Variants in RASGEF1A observed in about 807,000 individuals in gnomAD.
The protein encoded by RASGEF1A is ras-GEF domain-containing family member 1A.
A neutral mutation model predicts 56.4 loss-of-function variants in RASGEF1A; 18 were observed. The observed-to-expected ratio is 0.32, with a 90% confidence interval of 0.22 to 0.47. The LOEUF (loss-of-function observed/expected upper bound fraction) is 0.47, where lower values mean the gene tolerates loss of function less well. RASGEF1A is among the 20% of genes least tolerant of loss of function. RASGEF1A has a pLI of 1.00. For missense variants in RASGEF1A, 422 were observed against 627.1 expected, an observed-to-expected ratio of 0.67 and a Z score of 3.49; for synonymous variants, 245 against 242.6, an observed-to-expected ratio of 1.01 and a Z score of -0.09.
chr10:43,249,326 A>C (rs1840600986), intron 1 of RASGEF1A, among the ~76,000 whole-genome samples: 1 of 152,172 alleles, frequency 6.6e-6, no homozygotes, highest in Non-Finnish European at 1.5e-5. Context: ...CTCCCTGGTA[A>C]GCCCTCATCC....
At chr10:43,225,257 T>TG (rs371870454) in intron 1 of RASGEF1A, among the ~76,000 whole-genome samples, 27,987 of 39,130 alleles carry the variant, frequency 0.72, 9,859 homozygotes, top group East Asian at 0.8. Flanking sequence ...TGGGGGTCTG[T>TG]GGGGGGGGGG....
intron 1 of RASGEF1A, among the ~76,000 whole-genome samples, chr10:43,221,454 C>G (rs1588938992): frequency 6.6e-6 from 1 of 152,162 alleles, no homozygotes; most frequent in East Asian, 1.9e-4. Context: ...GAACAGAGGC[C>G]CAAAGGGCCT....
Position 43,197,044 on chromosome 10 carries a change from T to G in RASGEF1A, c.1280A>C (p.Glu427Ala). The G allele has an allele frequency of 6.2e-7, 1 of 1,613,546 alleles. No individual in the cohort carries two copies. Among genetic ancestry groups the G allele is most frequent in the Non-Finnish European group, 8.5e-7 (1 of 1,179,470 alleles). ...IHEFMTWTQVECPFEKDKKIQ... is the reference protein window; with the variant it reads ...IHEFMTWTQVACPFEKDKKIQ... Reference sequence around the variant, plus strand: ...CTTCTTGTCCTTCTCGAAAGGACACTCTACCTGTGTCCATGTCATGAACTC... The same window carrying G: ...CTTCTTGTCCTTCTCGAAAGGACACGCTACCTGTGTCCATGTCATGAACTC... The change falls in exon 11 of 13, where the codon GAG becomes GCG. Residue 427 changes from glutamate (E) to alanine (A), a missense_variant. This residue lies in a region of RASGEF1A where 149 missense variants were observed against 287.2 expected (regional missense o/e 0.52). Coordinates refer to ENST00000395810, the MANE Select transcript of RASGEF1A (RefSeq NM_145313.4).
At chr10:43,240,773 G>A (rs1048881366) in intron 1 of RASGEF1A, among the ~76,000 whole-genome samples, 3 of 152,026 alleles carry the variant, frequency 2.0e-5, no homozygotes, top group Non-Finnish European at 4.4e-5. Flanking sequence ...AAAGAGGAGA[G>A]TGAGAAATAA....
intron 1 of RASGEF1A, among the ~76,000 whole-genome samples, chr10:43,252,461 C>T (rs1716084828): frequency 6.6e-6 from 1 of 152,022 alleles, no homozygotes. Context: ...CGGGGCTCGG[C>T]ATCCAGCAGC....
chr10:43,266,506 A>C (rs1836626688), intron 1 of RASGEF1A, among the ~76,000 whole-genome samples: 2 of 150,726 alleles, frequency 1.3e-5, no homozygotes. Flanking sequence ...ACCTGCCCGC[A>C]GTGCCCACGC....
At chr10:43,234,326 G>A (rs1385561312) in intron 1 of RASGEF1A, among the ~76,000 whole-genome samples, 1 of 152,172 alleles carries the variant, frequency 6.6e-6, no homozygotes, top group African/African-American at 2.4e-5. Flanking sequence ...GTGGAGGAAG[G>A]GACCTGAGCC....
chr10:43,259,788 T>C (rs546641625), intron 1 of RASGEF1A, among the ~76,000 whole-genome samples: 126 of 151,682 alleles, frequency 8.3e-4, no homozygotes, highest in African/African-American at 2.8e-3. Flanking sequence ...GAGGTGGAGG[T>C]GCTCCCCACT....
intron 1 of RASGEF1A, among the ~76,000 whole-genome samples, chr10:43,238,205 T>C (rs180941968): frequency 1.3e-5 from 2 of 151,998 alleles, no homozygotes; most frequent in East Asian, 3.9e-4. Context: ...AAAGGGGTCT[T>C]CAGGGGAGTT....
intron 3 of RASGEF1A, among the ~76,000 whole-genome samples, chr10:43,202,460 C>T (rs1275430720): frequency 6.6e-6 from 1 of 152,144 alleles, no homozygotes; most frequent in Non-Finnish European, 1.5e-5. Flanking sequence ...TGAAACGACT[C>T]CGACCCTCTC....
At position 43,199,669 on chromosome 10, in the gene RASGEF1A, C is replaced by T. The variant is rs1368804412; in HGVS notation, c.849+7G>A. ...GCCACCCCACCATGTCTGCCATGGGCACTTACCCGGCACACCTCAGTGGCC... is the reference window on the plus strand; with the variant it reads ...GCCACCCCACCATGTCTGCCATGGGTACTTACCCGGCACACCTCAGTGGCC... On this transcript the variant is annotated splice_region_variant and intron_variant, in intron 7 of 12. Coordinates refer to ENST00000395810, the MANE Select transcript of RASGEF1A (RefSeq NM_145313.4). 4.3e-6 allele frequency: 7 copies of T among 1,612,110 alleles called. No homozygotes were observed. The highest frequency in any genetic ancestry group is 5.1e-6 in the Non-Finnish European group (6 of 1,179,182).
chr10:43,261,032 G>A (rs1836519084), intron 1 of RASGEF1A, among the ~76,000 whole-genome samples: 1 of 152,078 alleles, frequency 6.6e-6, no homozygotes, highest in South Asian at 2.1e-4. Context: ...CACCCACCAG[G>A]CTTGGTGGGT....
At chr10:43,209,985 G>C (rs1329372863) in intron 1 of RASGEF1A, among the ~76,000 whole-genome samples, 3 of 152,232 alleles carry the variant, frequency 2.0e-5, no homozygotes. Context: ...TCAGTTCCAA[G>C]TGTGGCCGCT....
At chr10:43,253,312 C>A (rs929222520) in intron 1 of RASGEF1A, among the ~76,000 whole-genome samples, 4 of 152,240 alleles carry the variant, frequency 2.6e-5, no homozygotes, top group Non-Finnish European at 5.9e-5. Context: ...CCGGGGAGGG[C>A]TGCCTTGCTC....
chr10:43,237,659 A>G (rs1381455378), intron 1 of RASGEF1A, among the ~76,000 whole-genome samples: 1 of 152,084 alleles, frequency 6.6e-6, no homozygotes, highest in Non-Finnish European at 1.5e-5. Flanking sequence ...GCACCAGGCT[A>G]ACGCACGGCG....
chr10:43,215,667 T>C (rs1840126898), intron 1 of RASGEF1A, among the ~76,000 whole-genome samples: 1 of 152,162 alleles, frequency 6.6e-6, no homozygotes, highest in Admixed American at 6.5e-5. Flanking sequence ...CATTCATTCA[T>C]TCACAAGTGG....
Position 43,206,004 on chromosome 10 carries a change from A to G in RASGEF1A, c.113T>C (p.Leu38Pro). The change falls in exon 2 of 13, where the codon CTC (leucine) becomes CCC (proline). Residue 38 changes from leucine (L) to proline (P), a missense_variant. Coordinates refer to ENST00000395810, the MANE Select transcript of RASGEF1A (RefSeq NM_145313.4). ...GATGAGGTGTCCATCTTGGAAGATG[A>G]GGTCCCCGGAGCCGCCACCGGCCCC... ...GGGAGGGSGDLIFQDGHLISG... is the reference protein window; with the variant it reads ...GGGAGGGSGDPIFQDGHLISG... The G allele has an allele frequency of 6.2e-7, 1 of 1,611,620 alleles. No homozygotes were observed. Among genetic ancestry groups the G allele is most frequent in the Non-Finnish European group, 8.5e-7 (1 of 1,179,412 alleles).
In RASGEF1A at chr10:43,196,211, G is replaced by A. The variant is rs371049913; in HGVS notation, c.*33C>T. ...CAAAATTTAAACCCAGTTAGTGCAC[G>A]TGCTTCCTCTGGCGTCGCGGGCTGC... is the stretch of plus-strand genomic sequence containing the variant. On this transcript the variant is annotated 3_prime_UTR_variant, in exon 13 of 13. Transcript: ENST00000395810. The surrounding 1 kb of genome is among the most constrained non-coding windows in gnomAD (Gnocchi z 4.6). 143 of 1,609,770 alleles carry A rather than the reference G, an allele frequency of 8.9e-5. No homozygotes were observed. The highest frequency in any genetic ancestry group is 1.1e-4 in the Non-Finnish European group (132 of 1,177,248).
At chr10:43,220,106 C>T (rs1840188095) in intron 1 of RASGEF1A, among the ~76,000 whole-genome samples, 1 of 152,220 alleles carries the variant, frequency 6.6e-6, no homozygotes, top group African/African-American at 2.4e-5. Flanking sequence ...GTGCGTCTGT[C>T]CCCTGGCCCT....
Sources: allele counts gnomAD v4.1 joint callset (sites outside exome capture counted in the v4.1 genomes callset), GRCh38; gene constraint gnomAD v4.1.1; regional missense constraint gnomAD v4.1.1; non-coding constraint Gnocchi (gnomAD v3.1); transcripts MANE v1.5; gene names NCBI Gene and HGNC (gene_info 2026-07-23, HGNC 2026-07-21).